Variants in CDH13 observed in about 807,000 individuals in gnomAD.
CDH13 encodes the protein cadherin 13.
Under a neutral mutation model 63.8 loss-of-function variants are expected in CDH13, and 24 were observed. The observed-to-expected ratio is 0.38, with a 90% CI of 0.27 to 0.53. The LOEUF is 0.53. Ranked by LOEUF, CDH13 falls within the 20% of genes least tolerant of loss-of-function variation. The pLI is 0.85. For missense variants in CDH13, 1,049 were observed against 903.1 expected (o/e 1.16, Z -2.07); for synonymous variants, 503 against 355.3 (o/e 1.42, Z -4.67).
At position 82,717,070 on chromosome 16, in the gene CDH13, C is replaced by G. The variant is rs117025804; in HGVS notation, c.45+89933C>G. Among the ~76,000 whole-genome samples the G allele has an allele frequency of 6.2e-3, 951 of 152,210 alleles. 8 individuals carry two copies. The highest frequency in any genetic ancestry group is 0.01 in the Middle Eastern group (3 of 294). On this transcript the variant is annotated intron_variant, in intron 1 of 13. Transcript: ENST00000567109. ...TGTCCCCTTGCTGAAGTTAGTCACA[C>G]TTGGCTGCTGGAGAAGTCTGCCCAG...
chr16:83,069,214 A>T (rs549658507), intron 3 of CDH13, among the ~76,000 whole-genome samples: 1 of 152,332 alleles, frequency 6.6e-6, no homozygotes, highest in African/African-American at 2.4e-5. Flanking sequence ...AGTGGTCTCA[A>T]TGTCATTCAG....
At chr16:83,179,016 T>G (rs2038240723) in intron 4 of CDH13, among the ~76,000 whole-genome samples, 1 of 152,204 alleles carries the variant, frequency 6.6e-6, no homozygotes, top group Non-Finnish European at 1.5e-5. Flanking sequence ...ACACAACTAT[T>G]TGTTCATAGG....
intron 2 of CDH13, among the ~76,000 whole-genome samples, chr16:82,967,502 T>C (rs1446163699): frequency 6.6e-6 from 1 of 152,228 alleles, no homozygotes. Flanking sequence ...AAGTGATTAC[T>C]CTGTATGTGT....
intron 3 of CDH13, among the ~76,000 whole-genome samples, chr16:83,090,480 G>C (rs748098051): frequency 6.6e-6 from 1 of 151,720 alleles, no homozygotes; most frequent in Non-Finnish European, 1.5e-5. Flanking sequence ...AGGCTGAGGC[G>C]GGAGAATCGC....
chr16:82,998,855 C>G (rs1912540600), intron 2 of CDH13, among the ~76,000 whole-genome samples: 1 of 138,368 alleles, frequency 7.2e-6, no homozygotes, highest in African/African-American at 2.9e-5. Flanking sequence ...GTAATTTCCC[C>G]TTGATCCTTT....
chr16:82,889,707 T>C (rs2151219272), intron 2 of CDH13, among the ~76,000 whole-genome samples: 1 of 152,332 alleles, frequency 6.6e-6, no homozygotes, highest in Admixed American at 6.5e-5. Flanking sequence ...GAGTTGGCTC[T>C]GTCTATGTTG....
chr16:83,478,924 A>C (rs542761337), intron 6 of CDH13, among the ~76,000 whole-genome samples: 1 of 152,308 alleles, frequency 6.6e-6, no homozygotes, highest in African/African-American at 2.4e-5. Context: ...AAATAAAGCC[A>C]GTCCAAATGT....
intron 5 of CDH13, among the ~76,000 whole-genome samples, chr16:83,254,779 G>A (rs901191147): frequency 6.6e-6 from 1 of 152,030 alleles, no homozygotes. Context: ...CCCTAGCTTT[G>A]CCTATTGGCT....
chr16:83,100,413 G>A (rs1046881886), intron 3 of CDH13, among the ~76,000 whole-genome samples: 16 of 152,284 alleles, frequency 1.1e-4, no homozygotes, highest in African/African-American at 3.9e-4. Context: ...TCAGAAGAGA[G>A]GAAACTGATG....
At chr16:83,492,769 AG>A (rs910702840) in intron 7 of CDH13, among the ~76,000 whole-genome samples, 2 of 152,136 alleles carry the variant, frequency 1.3e-5, no homozygotes, top group Admixed American at 6.5e-5. Flanking sequence ...GAGATGGGGA[AG>A]GCCAGGGTCT....
chr16:83,015,671 GTGTA>G (rs1555562851), intron 2 of CDH13, among the ~76,000 whole-genome samples: 1 of 54,922 alleles, frequency 1.8e-5, no homozygotes, highest in Non-Finnish European at 3.7e-5. Flanking sequence ...GTGTGTGTGT[GTGTA>G]TGTATATATA....
At chr16:83,053,407 C>T (rs2030593266) in intron 3 of CDH13, among the ~76,000 whole-genome samples, 1 of 151,980 alleles carries the variant, frequency 6.6e-6, no homozygotes, top group Non-Finnish European at 1.5e-5. Flanking sequence ...TATCAGAAGA[C>T]ACACTCACAT....
intron 3 of CDH13, among the ~76,000 whole-genome samples, chr16:83,054,618 C>T (rs2030731498): frequency 1.3e-5 from 2 of 152,112 alleles, no homozygotes; most frequent in African/African-American, 4.8e-5. Context: ...TATTTTCAGA[C>T]TGCAATTGAC....
chr16:82,821,393 C>T (rs1331038368), intron 1 of CDH13, among the ~76,000 whole-genome samples: 1 of 152,152 alleles, frequency 6.6e-6, no homozygotes, highest in South Asian at 2.1e-4. Flanking sequence ...AACTGAATTT[C>T]CCAGGCTTGA....
chr16:82,898,052 A>G lies in CDH13; in HGVS notation c.157+39579A>G, dbSNP rs74326277. On this transcript the variant is annotated intron_variant, in intron 2 of 13. Transcript: ENST00000567109. ...TTGAGATGTGTTGTGAATATAAAACATATACAGTTCTCAAAGAGTGAATAA... is the reference window on the plus strand; with the variant it reads ...TTGAGATGTGTTGTGAATATAAAACGTATACAGTTCTCAAAGAGTGAATAA... Among the ~76,000 whole-genome samples, 80 of 152,364 alleles carry G rather than the reference A, an allele frequency of 5.3e-4. 1 individual carries two copies. The East Asian group carries it at 0.011, about 22-fold the overall frequency.
At chr16:82,936,035 G>T (rs114652614) in intron 2 of CDH13, among the ~76,000 whole-genome samples, 2 of 152,106 alleles carry the variant, frequency 1.3e-5, no homozygotes, top group African/African-American at 4.8e-5. Context: ...GGCAAGGCTG[G>T]TCACCCCACC....
intron 2 of CDH13, among the ~76,000 whole-genome samples, chr16:83,009,887 A>T (rs1913945419): frequency 6.6e-6 from 1 of 152,056 alleles, no homozygotes; most frequent in South Asian, 2.1e-4. Context: ...TAATCTCAGC[A>T]CTTTGGGAGG....
chr16:83,390,109 G>C, intron 6 of CDH13, among the ~76,000 whole-genome samples: 1 of 152,182 alleles, frequency 6.6e-6, no homozygotes, highest in Non-Finnish European at 1.5e-5. Flanking sequence ...GTGTAAATCA[G>C]TGGTAATACA....
intron 6 of CDH13, among the ~76,000 whole-genome samples, chr16:83,407,132 G>C (rs1180419193): frequency 1.3e-5 from 2 of 152,206 alleles, no homozygotes; most frequent in Non-Finnish European, 2.9e-5. Flanking sequence ...CCCTCTGGGA[G>C]CAGGAAGACT....
Sources: allele counts gnomAD v4.1 joint callset (sites outside exome capture counted in the v4.1 genomes callset), GRCh38; gene constraint gnomAD v4.1.1; transcripts MANE v1.5; gene names NCBI Gene and HGNC (gene_info 2026-07-23, HGNC 2026-07-21).